The following LMBR1 variants were observed in gnomAD, a reference collection of about 807,000 sequenced individuals.
LMBR1 encodes the protein limb development membrane protein 1.
A neutral mutation model predicts 73.9 loss-of-function variants in LMBR1; 52 were observed. The ratio of observed to expected loss-of-function variants is 0.70; its 90% CI spans 0.56 to 0.89. The LOEUF (loss-of-function observed/expected upper bound fraction) is 0.89. Among genes scored for constraint, LMBR1 ranks in the 40% least tolerant of loss-of-function variants. The pLI, the probability that LMBR1 is intolerant of heterozygous loss-of-function variation, is 0.00. For synonymous variants in LMBR1, 215 were observed against 209.4 expected (o/e 1.03, Z -0.23); for missense variants, 539 against 579.8 (o/e 0.93, Z 0.72).
At position 156,762,290 on chromosome 7, in the gene LMBR1, C is replaced by G. The variant is rs1028491831; in HGVS notation, c.620-92G>C. On this transcript the variant is annotated intron_variant, in intron 7 of 16. Coordinates refer to ENST00000353442, the MANE Select transcript of LMBR1 (RefSeq NM_022458.4). ...CTAGACTGTAAAAATAAGGGAAATTCAAGGATTATCATTTTAAGAACATTC... is the reference window on the plus strand; with the variant it reads ...CTAGACTGTAAAAATAAGGGAAATTGAAGGATTATCATTTTAAGAACATTC... 19 of 776,946 alleles carry G rather than the reference C, an allele frequency of 2.4e-5. No homozygotes were observed. In the African/African-American group the frequency reaches 2.8e-4, roughly 11 times the overall value. 48.1% of individuals were successfully genotyped at this position (776,946 alleles called of 1,614,324 possible). A position where few individuals can be genotyped will look rare whatever the true frequency, so the allele number is the denominator to read the frequency against.
In LMBR1 at chr7:156,711,309, TCAAA is replaced by T. The variant is rs537684810; in HGVS notation, c.1225+12799_1225+12802del. On this transcript the variant is annotated intron_variant, in intron 15 of 16. Transcript: ENST00000353442. ...CTGGGCGACAGAGCGAGACTCTGTC[TCAAA>T]CAAACAAACTACAAAAAACACTAAT... is the stretch of plus-strand genomic sequence containing the variant. Among the ~76,000 whole-genome samples the T allele has an allele frequency of 2.5e-4, 38 of 152,230 alleles. No individual in the cohort carries two copies. The East Asian group carries it at 3.7e-3, about 15-fold the overall frequency.
chr7:156,822,022 TAA>T (rs1405149473), intron 4 of LMBR1, among the ~76,000 whole-genome samples: 1 of 152,218 alleles, frequency 6.6e-6, no homozygotes, highest in African/African-American at 2.4e-5. Context: ...ACAAAACAAT[TAA>T]AAGACAAATT....
At chr7:156,728,863 A>G in intron 10 of LMBR1, 143 bp from the exon 11 acceptor site, 1 of 634,732 alleles carries the variant, frequency 1.6e-6, no homozygotes. Flanking sequence ...TAAAAAAACT[A>G]CAGATAGGGC....
chr7:156,867,071 T>C (rs1239699916), intron 1 of LMBR1, among the ~76,000 whole-genome samples: 1 of 151,994 alleles, frequency 6.6e-6, no homozygotes, highest in Non-Finnish European at 1.5e-5. Context: ...AACTCAATAA[T>C]AAAAAGAAAA....
At chr7:156,702,789 A>ACACAAAAACTTG (rs1810077404) in intron 15 of LMBR1, among the ~76,000 whole-genome samples, 2 of 152,370 alleles carry the variant, frequency 1.3e-5, no homozygotes, top group South Asian at 4.1e-4. Flanking sequence ...TCTTTTGTCC[A>ACACAAAAACTTG]CACAAAAACT....
At chr7:156,819,641 G>A (rs898144748) in intron 4 of LMBR1, among the ~76,000 whole-genome samples, 3 of 152,168 alleles carry the variant, frequency 2.0e-5, no homozygotes, top group African/African-American at 7.2e-5. Flanking sequence ...TGATATAACT[G>A]TGCTCTGGGG....
intron 4 of LMBR1, among the ~76,000 whole-genome samples, chr7:156,808,442 T>C (rs965489177): frequency 3.3e-5 from 5 of 152,178 alleles, no homozygotes; most frequent in Admixed American, 3.3e-4. Flanking sequence ...GTATCTTTTT[T>C]CTCCTACTGC....
chr7:156,844,873 A>G (rs1001805841), intron 1 of LMBR1, among the ~76,000 whole-genome samples: 4 of 152,232 alleles, frequency 2.6e-5, no homozygotes, highest in East Asian at 1.9e-4. Context: ...TGACACAGTC[A>G]TAAGTAACTG....
downstream of LMBR1, chr7:156,676,134 G>A: frequency 3.2e-6 from 3 of 949,148 alleles, no homozygotes; most frequent in Non-Finnish European, 4.5e-6. Flanking sequence ...TAGGGTGACG[G>A]CAAAGGTCCC....
At chr7:156,888,339 G>A (rs1216314488) in intron 1 of LMBR1, among the ~76,000 whole-genome samples, 1 of 151,590 alleles carries the variant, frequency 6.6e-6, no homozygotes, top group Non-Finnish European at 1.5e-5. Context: ...GAACCGGGGG[G>A]GCGGAGCTTG....
At chr7:156,865,621 G>A (rs1798341194) in intron 1 of LMBR1, among the ~76,000 whole-genome samples, 1 of 152,166 alleles carries the variant, frequency 6.6e-6, no homozygotes, top group African/African-American at 2.4e-5. Context: ...AGAAAAATCA[G>A]ACAACTGTGG....
chr7:156,692,669 G>A (rs1248105575), intron 15 of LMBR1, among the ~76,000 whole-genome samples: 1 of 152,154 alleles, frequency 6.6e-6, no homozygotes, highest in Admixed American at 6.5e-5. Flanking sequence ...GTAGAGAGAA[G>A]AGCTGAGGAG....
At chr7:156,675,667 G>A (rs752385975), downstream of LMBR1, 1 of 1,599,708 alleles carries the variant, frequency 6.3e-7, no homozygotes, top group Admixed American at 1.7e-5. Flanking sequence ...GCTCAGGTGT[G>A]AGCTTACCCG....
At chr7:156,709,606 A>G (rs1394461389) in intron 15 of LMBR1, among the ~76,000 whole-genome samples, 2 of 152,156 alleles carry the variant, frequency 1.3e-5, no homozygotes, top group African/African-American at 4.8e-5. Flanking sequence ...CAGAAGAACA[A>G]TAACAATCAC....
At chr7:156,776,384 CT>C (rs1826139768) in intron 5 of LMBR1, among the ~76,000 whole-genome samples, 1 of 152,130 alleles carries the variant, frequency 6.6e-6, no homozygotes, top group Non-Finnish European at 1.5e-5. Context: ...TTCACAAGTA[CT>C]TCTTATCACA....
intron 9 of LMBR1, among the ~76,000 whole-genome samples, chr7:156,756,045 A>G (rs993350363): frequency 1.3e-5 from 2 of 152,226 alleles, no homozygotes; most frequent in African/African-American, 4.8e-5. Flanking sequence ...CTGTTAAACT[A>G]TATCATTACT....
intron 4 of LMBR1, among the ~76,000 whole-genome samples, chr7:156,807,549 C>T (rs981083113): frequency 3.8e-5 from 5 of 132,484 alleles, no homozygotes; most frequent in Admixed American, 8.2e-5. Flanking sequence ...ATTCCTAATA[C>T]TGGCAATTGG....
At chr7:156,762,364 T>C (rs1456187047) in intron 7 of LMBR1, among the ~76,000 whole-genome samples, 166 bp from the exon 8 acceptor site, 1 of 152,168 alleles carries the variant, frequency 6.6e-6, no homozygotes, top group Admixed American at 6.5e-5. Flanking sequence ...CTCTTCACCA[T>C]CATCAATAAA....
chr7:156,721,257 T>C (rs1203869166), intron 15 of LMBR1, among the ~76,000 whole-genome samples: 1 of 152,070 alleles, frequency 6.6e-6, no homozygotes, highest in Non-Finnish European at 1.5e-5. Flanking sequence ...TTTCAAAGAC[T>C]ATCATTTGCA....
Sources: gnomAD v4.1 joint callset for allele counts (sites outside exome capture counted in the v4.1 genomes callset) on GRCh38, gnomAD v4.1.1 for gene constraint, MANE v1.5 for transcripts, NCBI Gene and HGNC (gene_info 2026-07-23, HGNC 2026-07-21) for gene names.